The following TENM2 variants were observed in gnomAD, a reference collection of about 807,000 sequenced individuals.
TENM2 encodes teneurin transmembrane protein 2.
In TENM2, 52 loss-of-function variants were observed where a neutral mutation model predicts 245.2. That is an observed-to-expected ratio of 0.21 (90% confidence interval 0.17 to 0.27). The LOEUF is 0.27. Ranked by LOEUF, TENM2 falls within the 10% of genes least tolerant of loss-of-function variation. The pLI is 1.00. For synonymous variants in TENM2, 1,363 were observed against 1,438.9 expected (o/e 0.95, Z 1.19); for missense variants, 3,046 against 3,666.8 (o/e 0.83, Z 4.37).
At chr5:167,539,907 G>A (rs1286614942) in intron 2 of TENM2, among the ~76,000 whole-genome samples, 1 of 152,124 alleles carries the variant, frequency 6.6e-6, no homozygotes, top group African/African-American at 2.4e-5. Context: ...GCTTCAAAAT[G>A]TTTTTTCATT....
the TENM2 span, among the ~76,000 whole-genome samples, chr5:167,078,756 T>G: frequency 5.3e-5 from 8 of 152,174 alleles, no homozygotes; most frequent in Admixed American, 5.2e-4. Flanking sequence ...CCTTGCTTTT[T>G]GTGTGCTTCT....
At chr5:167,442,336 A>G (rs1457616492) in intron 2 of TENM2, among the ~76,000 whole-genome samples, 1 of 152,174 alleles carries the variant, frequency 6.6e-6, no homozygotes, top group Non-Finnish European at 1.5e-5. Context: ...ATATGTCTTT[A>G]TTATACAAAA....
At chr5:167,349,041 A>G (rs533866663) in intron 1 of TENM2, among the ~76,000 whole-genome samples, 156 of 152,310 alleles carry the variant, frequency 1.0e-3, no homozygotes, top group Non-Finnish European at 1.8e-3. Context: ...ACAAATTATA[A>G]AATTCCCCCA....
At chr5:167,013,885 C>G in the TENM2 span, among the ~76,000 whole-genome samples, 1 of 152,220 alleles carries the variant, frequency 6.6e-6, no homozygotes, top group African/African-American at 2.4e-5. Flanking sequence ...ATAAGGTTTT[C>G]CAGTACAATT....
chr5:168,159,414 G>A (rs1317174987), intron 12 of TENM2, among the ~76,000 whole-genome samples: 1 of 152,170 alleles, frequency 6.6e-6, no homozygotes, highest in Admixed American at 6.5e-5. Flanking sequence ...GGGTGCCCCA[G>A]TATAAGCCCA....
At chr5:167,552,274 G>A (rs1050139383) in intron 2 of TENM2, among the ~76,000 whole-genome samples, 45 of 152,130 alleles carry the variant, frequency 3.0e-4, no homozygotes, top group Non-Finnish European at 1.0e-4. Flanking sequence ...TCAGGTGCAC[G>A]TTAGGCAGAG....
the TENM2 span, among the ~76,000 whole-genome samples, chr5:167,126,144 A>C: frequency 1.3e-5 from 2 of 152,204 alleles, no homozygotes; most frequent in African/African-American, 4.8e-5. Context: ...TATTCAGAGA[A>C]GCTGGGAATT....
chr5:167,316,968 A>AC (rs529486078), intron 1 of TENM2, among the ~76,000 whole-genome samples: 223 of 152,164 alleles, frequency 1.5e-3, no homozygotes, highest in African/African-American at 5.1e-3. Flanking sequence ...TCCTCTGCAC[A>AC]CCCCCTAATA....
the TENM2 span, among the ~76,000 whole-genome samples, chr5:167,181,370 T>C: frequency 1.8e-4 from 28 of 152,064 alleles, no homozygotes; most frequent in African/African-American, 6.8e-4. Flanking sequence ...TCCTTCTTTC[T>C]CTTCATTCTT....
upstream of TENM2, among the ~76,000 whole-genome samples, chr5:167,281,314 C>T (rs1341310810): frequency 6.6e-6 from 1 of 150,654 alleles, no homozygotes; most frequent in South Asian, 2.1e-4. Flanking sequence ...ACGGGATTTC[C>T]TCATCTTGGC....
chr5:167,052,385 G>A, the TENM2 span, among the ~76,000 whole-genome samples: 9 of 152,120 alleles, frequency 5.9e-5, no homozygotes, highest in East Asian at 1.9e-4. Flanking sequence ...TCCCAACACC[G>A]TAATTTAATA....
At chr5:167,649,407 C>A (rs1289953022) in intron 2 of TENM2, among the ~76,000 whole-genome samples, 1 of 152,158 alleles carries the variant, frequency 6.6e-6, no homozygotes, top group Non-Finnish European at 1.5e-5. Context: ...CACCTGACAC[C>A]TTGCCTAGTA....
rs77680276 is a variant in TENM2 at position 167,838,010 on chromosome 5, T to G, written c.503-37976T>G. On this transcript the variant is annotated intron_variant, in intron 2 of 28. Transcript: ENST00000518659. Reference sequence around the variant, plus strand: ...ATCCCTTTGTGCATCCCCACCTGGTTTAGTATTGAGGCAAATGGGAAATGC... The same window carrying G: ...ATCCCTTTGTGCATCCCCACCTGGTGTAGTATTGAGGCAAATGGGAAATGC... 6.3e-3 allele frequency among the ~76,000 whole-genome samples: 964 copies of G among 152,270 alleles called. 10 individuals carry two copies. The highest frequency in any genetic ancestry group is 0.022 in the African/African-American group (910 of 41,552).
intron 2 of TENM2, among the ~76,000 whole-genome samples, chr5:167,710,157 ATGTTGTTAACATATTC>A (rs1758811164): frequency 6.6e-6 from 1 of 152,182 alleles, no homozygotes; most frequent in Non-Finnish European, 1.5e-5. Flanking sequence ...GAGAAGAAGC[ATGTTGTTAACATATTC>A]TGTTGGGTTC....
At chr5:167,552,609 A>C (rs1468272815) in intron 2 of TENM2, among the ~76,000 whole-genome samples, 4 of 152,198 alleles carry the variant, frequency 2.6e-5, no homozygotes, top group Admixed American at 6.5e-5. Flanking sequence ...GCTAATTACC[A>C]CTGGAGGCAA....
At chr5:167,094,923 C>T in the TENM2 span, among the ~76,000 whole-genome samples, 2 of 152,154 alleles carry the variant, frequency 1.3e-5, no homozygotes, top group Non-Finnish European at 2.9e-5. Context: ...ATCATATGGG[C>T]TTCTATTGTG....
At chr5:167,419,295 C>G (rs1437879089) in intron 2 of TENM2, among the ~76,000 whole-genome samples, 1 of 151,968 alleles carries the variant, frequency 6.6e-6, no homozygotes, top group African/African-American at 2.4e-5. Flanking sequence ...AACCCCACCT[C>G]TACTAAAAAT....
intron 4 of TENM2, among the ~76,000 whole-genome samples, chr5:167,979,546 G>A (rs1782680059): frequency 6.6e-6 from 1 of 152,178 alleles, no homozygotes. Context: ...CTGGGTTGCT[G>A]TGGGAAGAAA....
rs62383429 is a variant in TENM2, at chr5:168,146,022, A to G, written c.2423-16589A>G. Reference sequence around the variant, plus strand: ...ATAAGAATGCTTGTGATTTTTGTACATTGATTTTGTATCCTGAGACTTTGC... The same window carrying G: ...ATAAGAATGCTTGTGATTTTTGTACGTTGATTTTGTATCCTGAGACTTTGC... On this transcript the variant is annotated intron_variant, in intron 12 of 28. Coordinates refer to ENST00000518659, the Ensembl canonical transcript of TENM2. Among the ~76,000 whole-genome samples, 489 of 147,072 alleles carry G rather than the reference A, an allele frequency of 3.3e-3. 3 individuals carry two copies. Among genetic ancestry groups the G allele is most frequent in the South Asian group, 9.2e-3 (40 of 4,326 alleles).
Sources: gnomAD v4.1 joint callset for allele counts (sites outside exome capture counted in the v4.1 genomes callset) on GRCh38, gnomAD v4.1.1 for gene constraint, MANE v1.5 for transcripts, NCBI Gene and HGNC (gene_info 2026-07-23, HGNC 2026-07-21) for gene names.